PRKD1: variants seen among roughly 807,000 people sequenced by gnomAD.
PRKD1 encodes serine/threonine-protein kinase D1.
A neutral mutation model predicts 95.9 loss-of-function variants in PRKD1; 63 were observed. That is an observed-to-expected ratio of 0.66 (90% CI 0.54 to 0.81). The LOEUF (loss-of-function observed/expected upper bound fraction) is 0.81. PRKD1 is among the 30% of genes least tolerant of loss of function. The pLI is 0.00. For synonymous variants in PRKD1, 425 were observed against 423.1 expected (o/e 1.00, Z -0.05); for missense variants, 1,048 against 1,165.3 (o/e 0.90, Z 1.47).
intron 13 of PRKD1, among the ~76,000 whole-genome samples, chr14:29,614,843 C>A (rs1878736129): frequency 6.8e-6 from 1 of 148,084 alleles, no homozygotes; most frequent in African/African-American, 2.5e-5. Flanking sequence ...GCATGGGGCA[C>A]CATGCCCAGC....
intron 10 of PRKD1, 51 bp from the exon 11 acceptor site, chr14:29,629,144 A>G (rs781584082): frequency 2.1e-5 from 30 of 1,458,708 alleles, no homozygotes; most frequent in Non-Finnish European, 9.6e-7. Context: ...TAAGAGATGT[A>G]ATAGCAAAAC....
intron 13 of PRKD1, 149 bp downstream of exon 13, chr14:29,624,003 A>G (rs1443448181): frequency 3.9e-6 from 2 of 513,480 alleles, no homozygotes; most frequent in African/African-American, 3.9e-5. Flanking sequence ...TATTGAGGCA[A>G]GTTCTGATAC....
At chr14:29,910,206 C>G (rs896487063) in intron 1 of PRKD1, among the ~76,000 whole-genome samples, 1 of 152,118 alleles carries the variant, frequency 6.6e-6, no homozygotes, top group African/African-American at 2.4e-5. Context: ...AGACCATGAA[C>G]CTACTGGGAG....
intron 2 of PRKD1, among the ~76,000 whole-genome samples, chr14:29,703,410 T>A (rs1438979291): frequency 2.0e-5 from 3 of 152,224 alleles, no homozygotes; most frequent in Non-Finnish European, 4.4e-5. Context: ...TGAATCGTTA[T>A]ACTCCACTGG....
intron 13 of PRKD1, among the ~76,000 whole-genome samples, chr14:29,621,363 T>C (rs1396767126): frequency 6.6e-6 from 1 of 151,162 alleles, no homozygotes; most frequent in Non-Finnish European, 1.5e-5. Flanking sequence ...ATAAAAAGGG[T>C]TTCTTTCTTT....
At chr14:29,799,900 A>G (rs191251691) in intron 1 of PRKD1, among the ~76,000 whole-genome samples, 1 of 152,224 alleles carries the variant, frequency 6.6e-6, no homozygotes, top group East Asian at 1.9e-4. Context: ...TTCATGGTCT[A>G]TTTAATGCCA....
chr14:29,613,847 T>TA (rs1878654207), intron 13 of PRKD1, among the ~76,000 whole-genome samples: 1 of 152,224 alleles, frequency 6.6e-6, no homozygotes, highest in African/African-American at 2.4e-5. Context: ...AGGCATACTC[T>TA]TGGAGAGCAA....
intron 1 of PRKD1, among the ~76,000 whole-genome samples, chr14:29,801,595 G>A (rs1890031670): frequency 6.6e-6 from 1 of 152,004 alleles, no homozygotes; most frequent in Admixed American, 6.5e-5. Context: ...AAAAACAAGT[G>A]GGGAGTATTA....
chr14:29,920,651 A>T lies in PRKD1; in HGVS notation c.264+6598T>A, dbSNP rs140495083. Among the ~76,000 whole-genome samples the T allele has an allele frequency of 7.9e-4, 120 of 151,052 alleles. 1 individual carries two copies. The highest frequency in any genetic ancestry group is 2.8e-3 in the African/African-American group (116 of 40,930). ...AAAGTTTCATATAATTATCCATTAC[A>T]CTCTTCTTTAAAAGATTTATAAATA... On this transcript the variant is annotated intron_variant, in intron 1 of 17. Coordinates refer to ENST00000331968, the MANE Select transcript of PRKD1 (RefSeq NM_002742.3).
chr14:29,680,882 T>G (rs1430577699), intron 2 of PRKD1, among the ~76,000 whole-genome samples: 1 of 152,156 alleles, frequency 6.6e-6, no homozygotes, highest in South Asian at 2.1e-4. Context: ...GATTGTAAGA[T>G]GTGAAAACAC....
intron 13 of PRKD1, among the ~76,000 whole-genome samples, chr14:29,621,160 G>A (rs1188734185): frequency 1.4e-5 from 2 of 147,002 alleles, no homozygotes; most frequent in East Asian, 4.1e-4. Flanking sequence ...CATGGACACA[G>A]GAAGGGGAAC....
chr14:29,706,360 T>G (rs944317315), intron 2 of PRKD1, among the ~76,000 whole-genome samples: 23 of 152,148 alleles, frequency 1.5e-4, no homozygotes, highest in African/African-American at 5.5e-4. Context: ...TCTTGTTCAC[T>G]GATGAGTGTT....
rs1892043905 is a variant in PRKD1 at position 29,845,463 on chromosome 14, T to G, written c.264+81786A>C. Reference sequence around the variant, plus strand: ...AAAATCGTTGCAAAATTACATTTTTTGTATTGAAGTTCAACATTTGGAAAA... The same window carrying G: ...AAAATCGTTGCAAAATTACATTTTTGGTATTGAAGTTCAACATTTGGAAAA... On this transcript the variant is annotated intron_variant, in intron 1 of 17. Transcript: ENST00000331968. Among the ~76,000 whole-genome samples, 3 of 152,192 alleles carry G rather than the reference T, an allele frequency of 2.0e-5. No homozygotes were observed. The South Asian group carries it at 6.2e-4, about 32-fold the overall frequency.
In PRKD1 at chr14:29,796,608, A is replaced by C. The variant is rs531154953; in HGVS notation, c.265-70934T>G. Among the ~76,000 whole-genome samples, 6 of 152,240 alleles carry C rather than the reference A, an allele frequency of 3.9e-5. No homozygotes were observed. The Middle Eastern group carries it at 0.017, about 432-fold the overall frequency. On this transcript the variant is annotated intron_variant, in intron 1 of 17. Coordinates refer to ENST00000331968, the MANE Select transcript of PRKD1 (RefSeq NM_002742.3). ...CTCATCTTTCAGGGATTCCAAAATT[A>C]AAAGGTCTGAAAAATGTGGAGGAAC... is the stretch of plus-strand genomic sequence containing the variant.
chr14:29,872,890 T>C (rs1893163104), intron 1 of PRKD1, among the ~76,000 whole-genome samples: 1 of 152,148 alleles, frequency 6.6e-6, no homozygotes, highest in Non-Finnish European at 1.5e-5. Context: ...GACACTTGAT[T>C]ACATTTTACA....
intron 1 of PRKD1, among the ~76,000 whole-genome samples, chr14:29,884,474 C>T (rs191095140): frequency 2.0e-5 from 3 of 152,122 alleles, no homozygotes; most frequent in Admixed American, 2.0e-4. Flanking sequence ...AATTTATGAT[C>T]CATAATTTTA....
At chr14:29,743,238 A>T (rs569802356) in intron 1 of PRKD1, among the ~76,000 whole-genome samples, 1 of 152,138 alleles carries the variant, frequency 6.6e-6, no homozygotes, top group East Asian at 1.9e-4. Flanking sequence ...GTTCTCAAAA[A>T]TCTTTATTGT....
intron 7 of PRKD1, 104 bp downstream of exon 7, chr14:29,636,186 C>A: frequency 7.5e-7 from 1 of 1,330,200 alleles, no homozygotes; most frequent in Non-Finnish European, 1.1e-6. Context: ...AGTAAACGTG[C>A]ACTTCACATT....
At position 29,649,902 on chromosome 14, in the gene PRKD1, G is replaced by A. The variant is rs79791791; in HGVS notation, c.697-10998C>T. Among the ~76,000 whole-genome samples, 379 of 152,144 alleles carry A rather than the reference G, an allele frequency of 2.5e-3. 1 individual carries two copies. The Middle Eastern group carries it at 0.027, about 11-fold the overall frequency. The stretch of plus-strand genomic sequence containing the variant: ...ACCAATTAGACCTGGTTGGCCTTAC[G>A]CTTTGCTTAGAGCATACAGCCTCTA... On this transcript the variant is annotated intron_variant, in intron 4 of 17. Coordinates refer to ENST00000331968, the MANE Select transcript of PRKD1 (RefSeq NM_002742.3).
Sources: allele counts gnomAD v4.1 joint callset (sites outside exome capture counted in the v4.1 genomes callset), GRCh38; gene constraint gnomAD v4.1.1; transcripts MANE v1.5; gene names NCBI Gene and HGNC (gene_info 2026-07-23, HGNC 2026-07-21).